C12orf42: variants seen among roughly 807,000 people sequenced by gnomAD.
The protein encoded by C12orf42 is uncharacterized protein C12orf42.
A neutral mutation model predicts 21.6 loss-of-function variants in C12orf42; 25 were observed. That is an observed-to-expected ratio of 1.16 (90% confidence interval 0.84 to 1.62). The LOEUF (loss-of-function observed/expected upper bound fraction) is 1.62, where lower values mean the gene tolerates loss of function less well. Ranked by LOEUF, C12orf42 falls within the 40% of genes most tolerant of loss-of-function variation. The probability of loss-of-function intolerance (pLI) is 0.00; values close to 1 mark genes in which losing one functional copy is unlikely to be tolerated. For missense variants in C12orf42, 483 were observed against 459.3 expected, an observed-to-expected ratio of 1.05 and a Z score of -0.47; for synonymous variants, 174 against 175.0, an observed-to-expected ratio of 0.99 and a Z score of 0.05.
chr12:103,391,057 T>C (rs1566219707), intron 3 of C12orf42, among the ~76,000 whole-genome samples: 1 of 152,204 alleles, frequency 6.6e-6, no homozygotes, highest in Non-Finnish European at 1.5e-5. Flanking sequence ...GTACATAATA[T>C]TTGCTCTTTC....
At chr12:103,224,469 A>G in the C12orf42 span, among the ~76,000 whole-genome samples, 1 of 152,176 alleles carries the variant, frequency 6.6e-6, no homozygotes, top group African/African-American at 2.4e-5. Flanking sequence ...GGAACAGGAA[A>G]GAAGGAAATT....
the C12orf42 span, among the ~76,000 whole-genome samples, chr12:103,527,858 A>C: frequency 7.2e-5 from 11 of 152,224 alleles, no homozygotes; most frequent in Admixed American, 7.2e-4. Flanking sequence ...CCACTAAGCA[A>C]ATATCATCTC....
At position 103,302,467 on chromosome 12, in the gene C12orf42, G is replaced by C. The variant is rs765903003; in HGVS notation, c.724C>G (p.Leu242Val). The C allele has an allele frequency of 1.2e-6, 2 of 1,613,740 alleles. No homozygotes were observed. The highest frequency in any genetic ancestry group is 1.1e-5 in the South Asian group (1 of 91,082). The change falls in exon 6 of 6, where the codon CTC becomes GTC. Residue 242 changes from leucine (L) to valine (V), a missense_variant. Leu to Val is a conservative substitution (Grantham distance 32). Coordinates refer to ENST00000548883, the MANE Select transcript of C12orf42 (RefSeq NM_198521.5). ...LQSTGPSNTE[L>V]EPEERMAVPA... is the part of the protein sequence containing the mutation. ...ACTGCCATCCTCTCCTCCGGCTCGA[G>C]CTCTGTGTTACTCGGGCCGGTGCTC...
the C12orf42 span, among the ~76,000 whole-genome samples, chr12:103,211,752 G>T: frequency 6.6e-6 from 1 of 152,186 alleles, no homozygotes; most frequent in Non-Finnish European, 1.5e-5. Flanking sequence ...CTCAGAAACA[G>T]TGGGAAACAG....
the C12orf42 span, among the ~76,000 whole-genome samples, chr12:103,086,981 G>C: frequency 5.9e-5 from 9 of 152,098 alleles, no homozygotes; most frequent in Non-Finnish European, 1.3e-4. Context: ...AAAAACCCAA[G>C]GGTATTATCA....
At chr12:103,549,449 G>A in the C12orf42 span, 1 of 152,150 alleles carries the variant, frequency 6.6e-6, no homozygotes, top group South Asian at 2.1e-4. Context: ...AGCTTTACAT[G>A]CACTTGTTTG....
chr12:103,403,336 A>G (rs2048171232), intron 2 of C12orf42, among the ~76,000 whole-genome samples: 1 of 150,844 alleles, frequency 6.6e-6, no homozygotes, highest in Non-Finnish European at 1.5e-5. Flanking sequence ...AGATTGCCCC[A>G]CTACACTCCA....
intron 2 of C12orf42, among the ~76,000 whole-genome samples, chr12:103,445,244 C>A (rs1224013524): frequency 6.6e-6 from 1 of 152,078 alleles, no homozygotes; most frequent in Admixed American, 6.6e-5. Flanking sequence ...GTGTCCACTG[C>A]AGAACTGATT....
intron 4 of C12orf42, among the ~76,000 whole-genome samples, chr12:103,322,633 A>T (rs1799575173): frequency 6.6e-6 from 1 of 152,118 alleles, no homozygotes; most frequent in Admixed American, 6.6e-5. Context: ...CTTCAGATAG[A>T]TCTCGGTAAT....
At chr12:103,083,127 G>A in the C12orf42 span, among the ~76,000 whole-genome samples, 1 of 152,186 alleles carries the variant, frequency 6.6e-6, no homozygotes, top group Admixed American at 6.5e-5. Flanking sequence ...CACTTTGGGA[G>A]GCCGAGGCGG....
the C12orf42 span, among the ~76,000 whole-genome samples, chr12:103,555,094 G>A: frequency 2.0e-5 from 3 of 152,114 alleles, no homozygotes; most frequent in Non-Finnish European, 4.4e-5. Flanking sequence ...AGAATCACCT[G>A]GGCAACTTGT....
chr12:103,096,131 A>G, the C12orf42 span, among the ~76,000 whole-genome samples: 18 of 152,138 alleles, frequency 1.2e-4, no homozygotes, highest in Non-Finnish European at 2.1e-4. Context: ...TTGCTAATCT[A>G]TTTTTGTAAA....
chr12:103,562,400 T>C, the C12orf42 span, among the ~76,000 whole-genome samples: 1 of 152,244 alleles, frequency 6.6e-6, no homozygotes, highest in Non-Finnish European at 1.5e-5. Context: ...TCCCCTGCTC[T>C]CTTTCCTTCA....
At chr12:103,162,744 C>A in the C12orf42 span, 1 of 152,126 alleles carries the variant, frequency 6.6e-6, no homozygotes, top group Admixed American at 6.5e-5. Flanking sequence ...TCAAAGCCCC[C>A]ACAATATTGA....
chr12:103,230,211 A>G, the C12orf42 span, among the ~76,000 whole-genome samples: 1 of 151,372 alleles, frequency 6.6e-6, no homozygotes, highest in Non-Finnish European at 1.5e-5. Flanking sequence ...TCACATGGCC[A>G]CAAACAGCAT....
intron 10 of C12orf42, among the ~76,000 whole-genome samples, chr12:103,254,973 T>C (rs1416943840): frequency 1.3e-5 from 2 of 152,160 alleles, no homozygotes; most frequent in African/African-American, 4.8e-5. Flanking sequence ...CTTCAAAAAA[T>C]ATGTATTCTG....
chr12:103,463,058 G>A (rs771888974), intron 2 of C12orf42, among the ~76,000 whole-genome samples: 2 of 152,188 alleles, frequency 1.3e-5, no homozygotes, highest in Non-Finnish European at 2.9e-5. Flanking sequence ...CAACTGAAAA[G>A]GAGACTGATA....
chr12:103,493,469 T>C (rs1955311340), intron 1 of C12orf42, among the ~76,000 whole-genome samples: 2 of 152,172 alleles, frequency 1.3e-5, no homozygotes, highest in African/African-American at 4.8e-5. Context: ...CCTGAAGCTC[T>C]TTTCTGCCTG....
chr12:103,484,870 T>TG (rs1236148046), intron 1 of C12orf42, among the ~76,000 whole-genome samples: 5 of 140,668 alleles, frequency 3.6e-5, no homozygotes, highest in Non-Finnish European at 7.7e-5. Context: ...TCAGTTTTTT[T>TG]TTTTTTTTTT....
Sources: allele counts gnomAD v4.1 joint callset (sites outside exome capture counted in the v4.1 genomes callset), GRCh38; gene constraint gnomAD v4.1.1; transcripts MANE v1.5; gene names NCBI Gene and HGNC (gene_info 2026-07-23, HGNC 2026-07-21).